The following EIF3A variants were observed in gnomAD, a reference collection of about 807,000 sequenced individuals.
EIF3A encodes eukaryotic translation initiation factor 3 subunit A.
Under a neutral mutation model 186.6 loss-of-function variants are expected in EIF3A, and 21 were observed. That is an observed-to-expected ratio of 0.11 (90% confidence interval 0.08 to 0.16). The LOEUF is 0.16. Ranked by LOEUF, EIF3A falls within the 10% of genes least tolerant of loss-of-function variation. EIF3A has a pLI of 1.00. For missense variants in EIF3A, 1,306 were observed against 1,796.3 expected (o/e 0.73, Z 4.93); for synonymous variants, 563 against 584.3 (o/e 0.96, Z 0.52).
Position 119,050,586 on chromosome 10 carries a change from C to G in EIF3A, c.2408G>C (p.Arg803Thr). 1 of 1,613,992 alleles carries G rather than the reference C, an allele frequency of 6.2e-7. No individual in the cohort carries two copies. The highest frequency in any genetic ancestry group is 1.6e-4 in the Middle Eastern group (1 of 6,062). ...ERKRQRKEER[R>T]ITYYREKEEE... is the part of the protein sequence containing the mutation. ...TTCTTTTTCTCTATAGTATGTTATCCTGCGTTCTTCTTTACGCTGCCTTTT... is the reference window on the plus strand; with the variant it reads ...TTCTTTTTCTCTATAGTATGTTATCGTGCGTTCTTCTTTACGCTGCCTTTT... The change falls in exon 16 of 22, where the codon AGG becomes ACG. Residue 803 changes from arginine to threonine, a missense_variant. By Grantham distance (71) the Arg-to-Thr change is moderately conservative. Transcript: ENST00000369144.
Position 119,057,940 on chromosome 10 carries a change from C to T in EIF3A, c.1977+16G>A. 6.3e-7 allele frequency: 1 copy of T among 1,594,484 alleles called. No individual in the cohort carries two copies. Among genetic ancestry groups the T allele is most frequent in the Non-Finnish European group, 8.6e-7 (1 of 1,168,882 alleles). ...CTGGATAAAACTAATTTTTTAATAA[C>T]TAAGATGCTACGTACTTCAATATCA... On this transcript the variant is annotated intron_variant, in intron 12 of 21. Transcript: ENST00000369144.
chr10:119,069,869 T>C (rs991473325), intron 5 of EIF3A, among the ~76,000 whole-genome samples: 4 of 151,558 alleles, frequency 2.6e-5, no homozygotes, highest in African/African-American at 9.8e-5. Context: ...TAGGAAATAA[T>C]GGGAAGTAGA....
rs577596274 is a variant in EIF3A at position 119,056,987 on chromosome 10, C to T, written c.2031G>A (p.Leu677=). 39 of 1,613,186 alleles carry T rather than the reference C, an allele frequency of 2.4e-5. No individual in the cohort carries two copies. In the East Asian group the frequency reaches 8.5e-4, roughly 35 times the overall value. ...CTTGAAGTTCTTTCTTTTCTTTCTC[C>T]AGTTGTTCAACCTGTTTAGCCATGA... is the stretch of plus-strand genomic sequence containing the variant. ...DFIMAKQVEQ[L]EKEKKELQER... Residue 677 remains leucine (L), a synonymous_variant, in exon 13 of 22, where the codon CTG becomes CTA. Transcript: ENST00000369144.
Position 119,056,811 on chromosome 10 carries a change from A to C in EIF3A, c.2125T>G (p.Leu709Val). The C allele has an allele frequency of 6.2e-7, 1 of 1,613,848 alleles. No individual in the cohort carries two copies. Among genetic ancestry groups the C allele is most frequent in the African/African-American group, 1.3e-5 (1 of 75,048 alleles). ...ERAKRLEEIP[L>V]IKSAYEEQRI... Reference sequence around the variant, plus strand: ...TGTTCCTCGTAAGCGCTCTTTATCAAAGGAATTTCTTCCAAACGTTTGGCT... The same window carrying C: ...TGTTCCTCGTAAGCGCTCTTTATCACAGGAATTTCTTCCAAACGTTTGGCT... Residue 709 changes from leucine (L) to valine (V), a missense_variant, in exon 14 of 22, where the codon TTG becomes GTG. Leu to Val is a conservative substitution (Grantham distance 32). Coordinates refer to ENST00000369144, the MANE Select transcript of EIF3A (RefSeq NM_003750.4).
intron 16 of EIF3A, 129 bp from the exon 17 acceptor site, chr10:119,050,114 C>T (rs1848336584): frequency 1.1e-6 from 1 of 894,218 alleles, no homozygotes; most frequent in Non-Finnish European, 1.7e-6. Flanking sequence ...AGTTTGTAAT[C>T]AGCTACAGGA....
At position 119,062,692 on chromosome 10, in the gene EIF3A, G is replaced by A. The variant is rs74157626; in HGVS notation, c.1123-1364C>T. Reference sequence around the variant, plus strand: ...TTCCAGCCAATTGTAAATGTCTTTCGCTTCTGGGACAACATATTGCAGTAT... The same window carrying A: ...TTCCAGCCAATTGTAAATGTCTTTCACTTCTGGGACAACATATTGCAGTAT... On this transcript the variant is annotated intron_variant, in intron 7 of 21. Coordinates refer to ENST00000369144, the MANE Select transcript of EIF3A (RefSeq NM_003750.4). 1.5e-3 allele frequency among the ~76,000 whole-genome samples: 218 copies of A among 149,430 alleles called. 1 individual carries two copies. The highest frequency in any genetic ancestry group is 5.0e-3 in the African/African-American group (202 of 40,642).
intron 17 of EIF3A, 86 bp from the exon 18 acceptor site, chr10:119,044,228 T>A: frequency 1.1e-6 from 1 of 924,480 alleles, no homozygotes; most frequent in Non-Finnish European, 1.7e-6. Context: ...ATATTTTTTG[T>A]ACTTATAACA....
Position 119,073,549 on chromosome 10 carries a change from A to C in EIF3A, c.269T>G (p.Val90Gly). The change falls in exon 3 of 22, where the codon GTT becomes GGT. Residue 90 changes from valine to glycine, a missense_variant. Physicochemically the swap from Val to Gly is moderately radical, Grantham distance 109. This residue lies in a region of EIF3A where 130 missense variants were observed against 259.3 expected (regional missense o/e 0.50). Coordinates refer to ENST00000369144, the MANE Select transcript of EIF3A (RefSeq NM_003750.4). ...CTCTGCCATTTTCAAATATGCCCTA[A>C]CAACATCCTCCAGAGATTTTATGTT... ...QVNIKSLEDV[V>G]RAYLKMAEEK... 1 of 1,613,206 alleles carries C rather than the reference A, an allele frequency of 6.2e-7. No individual in the cohort carries two copies. Among genetic ancestry groups the C allele is most frequent in the Non-Finnish European group, 8.5e-7 (1 of 1,179,506 alleles).
chr10:119,067,676 T>G (rs1026624486), intron 6 of EIF3A, among the ~76,000 whole-genome samples: 2 of 152,216 alleles, frequency 1.3e-5, no homozygotes, highest in Non-Finnish European at 2.9e-5. Context: ...TGGGACTCAT[T>G]TAATTGGTCC....
chr10:119,036,187 G>A lies in EIF3A; in HGVS notation c.4001C>T (p.Ala1334Val), dbSNP rs1324744346. The A allele has an allele frequency of 3.1e-6, 5 of 1,613,384 alleles. No homozygotes were observed. The East Asian group carries it at 8.9e-5, about 29-fold the overall frequency. Residue 1334 changes from alanine to valine, a missense_variant, in exon 22 of 22, where the codon GCT becomes GTT. This residue lies in a region of EIF3A where 331 missense variants were observed against 365.8 expected (regional missense o/e 0.90). Transcript: ENST00000369144. ...RDPPRRVPPP[A>V]LSRDRERDRD... ...GTCTCTTTCTCGGTCTCTTGAAAGAGCTGGGGGAGGAACTCGACGAGGAGG... is the reference window on the plus strand; with the variant it reads ...GTCTCTTTCTCGGTCTCTTGAAAGAACTGGGGGAGGAACTCGACGAGGAGG...
chr10:119,078,597 G>T (rs1844211926), intron 1 of EIF3A, among the ~76,000 whole-genome samples: 1 of 152,010 alleles, frequency 6.6e-6, no homozygotes, highest in South Asian at 2.1e-4. Flanking sequence ...CAATCCAAAG[G>T]TATGAGTTTC....
At chr10:119,051,375 C>A in intron 14 of EIF3A, 54 bp from the exon 15 acceptor site, 5 of 1,486,868 alleles carry the variant, frequency 3.4e-6, no homozygotes, top group Non-Finnish European at 3.6e-6. Flanking sequence ...TACTCATTAA[C>A]CCCAAATTAC....
intron 1 of EIF3A, among the ~76,000 whole-genome samples, chr10:119,077,114 G>A (rs539182658): frequency 1.3e-5 from 2 of 152,136 alleles, no homozygotes; most frequent in South Asian, 4.2e-4. Context: ...AATCTAAAAA[G>A]GGCTTGCTTA....
At chr10:119,048,589 TGCTGCTGACA>T (rs1383165770) in intron 17 of EIF3A, among the ~76,000 whole-genome samples, 1 of 152,158 alleles carries the variant, frequency 6.6e-6, no homozygotes, top group Non-Finnish European at 1.5e-5. Flanking sequence ...AGTTGACAGG[TGCTGCTGACA>T]GCTGCTGACC....
At chr10:119,036,427 G>A (rs1848131209) in intron 21 of EIF3A, among the ~76,000 whole-genome samples, 159 bp from the exon 22 acceptor site, 1 of 151,958 alleles carries the variant, frequency 6.6e-6, no homozygotes, top group South Asian at 2.1e-4. Context: ...AAATCATAAT[G>A]AAAGCTCATA....
In EIF3A at chr10:119,042,834, AT is replaced by A. The variant is rs796769658; in HGVS notation, c.2748-63del. The A allele has an allele frequency of 6.1e-4, 866 of 1,412,078 alleles. No homozygotes were observed. Among genetic ancestry groups the A allele is most frequent in the Middle Eastern group, 4.2e-3 (20 of 4,712 alleles). The allele number at this position is 1,412,078 out of a possible 1,614,324, so 87.5% of individuals were successfully genotyped here. A position where few individuals can be genotyped will look rare whatever the true frequency, so the allele number is the denominator to read the frequency against. On this transcript the variant is annotated intron_variant, in intron 18 of 21. Coordinates refer to ENST00000369144, the MANE Select transcript of EIF3A (RefSeq NM_003750.4). This position sits in a 1 kb window ranked among gnomAD's most constrained non-coding sequence, Gnocchi z 7.8. ...TAAAAAAGCATATGATCCTTTGGGG[AT>A]TTTTTTTTTCACATGCTTTTTAAAA...
intron 1 of EIF3A, among the ~76,000 whole-genome samples, chr10:119,074,413 C>T (rs985212467): frequency 1.3e-5 from 2 of 151,592 alleles, no homozygotes; most frequent in African/African-American, 2.4e-5. Flanking sequence ...TGCAGTGAGC[C>T]GAGATCGCAC....
chr10:119,077,350 C>G (rs1311030893), intron 1 of EIF3A, among the ~76,000 whole-genome samples: 1 of 151,872 alleles, frequency 6.6e-6, no homozygotes, highest in Non-Finnish European at 1.5e-5. Flanking sequence ...ACTTGGGAGG[C>G]TGAGGCAGGA....
chr10:119,071,829 T>C (rs1589695910), intron 4 of EIF3A, among the ~76,000 whole-genome samples: 2 of 151,166 alleles, frequency 1.3e-5, no homozygotes, highest in East Asian at 3.9e-4. Context: ...ATTGAGACCA[T>C]CCTGGCTAAC....
Sources: gnomAD v4.1 joint callset for allele counts (sites outside exome capture counted in the v4.1 genomes callset) on GRCh38, gnomAD v4.1.1 for gene constraint, gnomAD v4.1.1 regional missense constraint, Gnocchi (gnomAD v3.1) non-coding constraint, MANE v1.5 for transcripts, NCBI Gene and HGNC (gene_info 2026-07-23, HGNC 2026-07-21) for gene names.